The following RARB variants were observed in gnomAD, a reference collection of about 807,000 sequenced individuals.
The protein encoded by RARB is retinoic acid receptor beta.
Under a neutral mutation model 51.9 loss-of-function variants are expected in RARB, and 17 were observed. The ratio of observed to expected loss-of-function variants is 0.33; its 90% CI spans 0.22 to 0.49. The LOEUF is 0.49. RARB is among the 20% of genes least tolerant of loss of function. The pLI is 0.99. For synonymous variants in RARB, 215 were observed against 195.4 expected, an observed-to-expected ratio of 1.10 and a Z score of -0.84; for missense variants, 369 against 550.8, an observed-to-expected ratio of 0.67 and a Z score of 3.30.
At chr3:25,416,187 G>C (rs1449498414) in intron 5 of RARB, among the ~76,000 whole-genome samples, 1 of 152,180 alleles carries the variant, frequency 6.6e-6, no homozygotes, top group African/African-American at 2.4e-5. Context: ...TTCAAGACCA[G>C]CCTGGGCAAT....
intron 2 of RARB, among the ~76,000 whole-genome samples, chr3:24,987,678 G>C (rs1401852421): frequency 6.6e-6 from 1 of 152,138 alleles, no homozygotes; most frequent in African/African-American, 2.4e-5. Context: ...TCTAAATCCT[G>C]GTGGAAAAAG....
chr3:25,216,064 G>C (rs1468597762), intron 5 of RARB, among the ~76,000 whole-genome samples: 1 of 152,174 alleles, frequency 6.6e-6, no homozygotes, highest in Non-Finnish European at 1.5e-5. Context: ...AGCAGTCAGA[G>C]AGGTGCAGGT....
At chr3:25,240,471 A>G (rs1182746282) in intron 5 of RARB, among the ~76,000 whole-genome samples, 2 of 152,136 alleles carry the variant, frequency 1.3e-5, no homozygotes, top group Non-Finnish European at 1.5e-5. Flanking sequence ...TGTTTGTTAT[A>G]TATGGCCTTT....
chr3:25,127,472 T>C (rs1432317867), intron 3 of RARB, among the ~76,000 whole-genome samples: 1 of 152,186 alleles, frequency 6.6e-6, no homozygotes, highest in Non-Finnish European at 1.5e-5. Context: ...TGTCCCAATT[T>C]TTCCGTATTT....
chr3:24,975,727 T>G (rs6779328), intron 2 of RARB, among the ~76,000 whole-genome samples: 4 of 151,818 alleles, frequency 2.6e-5, no homozygotes, highest in African/African-American at 9.7e-5. Context: ...ATTTTTGTCA[T>G]GCTGCTGCTA....
intron 3 of RARB, among the ~76,000 whole-genome samples, chr3:25,111,820 G>C (rs146274508): frequency 3.5e-4 from 53 of 151,932 alleles, no homozygotes; most frequent in African/African-American, 1.1e-3. Flanking sequence ...CTTGTGATCC[G>C]CCTGCCTCAG....
intron 2 of RARB, among the ~76,000 whole-genome samples, chr3:24,956,474 A>G (rs1005972343): frequency 3.3e-5 from 5 of 152,098 alleles, no homozygotes; most frequent in African/African-American, 1.2e-4. Context: ...GCTGGGGCTG[A>G]TTTTTTATAC....
chr3:25,115,051 A>C (rs1229602907), intron 3 of RARB, among the ~76,000 whole-genome samples: 1 of 152,122 alleles, frequency 6.6e-6, no homozygotes, highest in Admixed American at 6.6e-5. Flanking sequence ...ATAGAGAAAA[A>C]TTTGTAATTC....
chr3:25,106,206 T>A (rs1319400914), intron 3 of RARB, among the ~76,000 whole-genome samples: 1 of 134,132 alleles, frequency 7.5e-6, no homozygotes, highest in East Asian at 2.4e-4. Flanking sequence ...TCATCTGAGT[T>A]TGCGACAGAA....
At chr3:25,480,289 T>G (rs1696162512) in intron 2 of RARB, among the ~76,000 whole-genome samples, 1 of 152,238 alleles carries the variant, frequency 6.6e-6, no homozygotes, top group Admixed American at 6.5e-5. Context: ...AGCACGTATC[T>G]AGAATTTGCT....
At chr3:24,872,300 T>C (rs957669667) in intron 2 of RARB, among the ~76,000 whole-genome samples, 14 of 152,302 alleles carry the variant, frequency 9.2e-5, no homozygotes, top group African/African-American at 3.4e-4. Flanking sequence ...TTGCTGCCTT[T>C]GTTTCAGCTC....
At chr3:25,053,343 C>G (rs1287049618) in intron 2 of RARB, among the ~76,000 whole-genome samples, 1 of 152,178 alleles carries the variant, frequency 6.6e-6, no homozygotes, top group Non-Finnish European at 1.5e-5. Context: ...TTTTCTCTCA[C>G]AAGACTGCAA....
chr3:24,871,640 C>T (rs1702950300), intron 2 of RARB, among the ~76,000 whole-genome samples: 1 of 152,118 alleles, frequency 6.6e-6, no homozygotes, highest in Non-Finnish European at 1.5e-5. Flanking sequence ...GCCCAAACAC[C>T]AGATTGGATA....
rs10715822 is a variant in RARB, at chr3:24,985,349, G to GTT, written c.-379-74762_-379-74761dup. On this transcript the variant is annotated intron_variant, in intron 2 of 11. Transcript: ENST00000383772. ...ATGGCATTTGCCTCATGGTTTTTTT[G>GTT]TTTTTTTTTTTTTTTGACAAGAACA... Among the ~76,000 whole-genome samples, 726 of 131,256 alleles carry GTT rather than the reference G, an allele frequency of 5.5e-3. 5 individuals carry two copies. Among genetic ancestry groups the GTT allele is most frequent in the African/African-American group, 0.018 (656 of 36,160 alleles). The allele number at this position is 131,256 out of a possible 152,430, so 86.1% of individuals were successfully genotyped here. A position where few individuals can be genotyped will look rare whatever the true frequency, so the allele number is the denominator to read the frequency against.
chr3:24,897,594 T>C (rs1191197801), intron 2 of RARB, among the ~76,000 whole-genome samples: 1 of 152,210 alleles, frequency 6.6e-6, no homozygotes, highest in Non-Finnish European at 1.5e-5. Flanking sequence ...AAATATGATT[T>C]GTTACAAGAT....
chr3:24,975,748 T>A (rs944586306), intron 2 of RARB, among the ~76,000 whole-genome samples: 3 of 149,706 alleles, frequency 2.0e-5, no homozygotes, highest in Non-Finnish European at 4.5e-5. Context: ...AATTTTCTTC[T>A]TTTTTGGGGA....
chr3:25,055,665 T>C (rs1289618172), intron 2 of RARB, among the ~76,000 whole-genome samples: 1 of 152,030 alleles, frequency 6.6e-6, no homozygotes, highest in African/African-American at 2.4e-5. Flanking sequence ...GGAGTGGGAC[T>C]AGAAAGAGGA....
chr3:25,434,046 G>C (rs1181229553), intron 1 of RARB, among the ~76,000 whole-genome samples: 1 of 152,174 alleles, frequency 6.6e-6, no homozygotes, highest in African/African-American at 2.4e-5. Flanking sequence ...AGTAAGATAA[G>C]ACTCTCTGCC....
intron 2 of RARB, among the ~76,000 whole-genome samples, chr3:25,003,261 G>A (rs531821866): frequency 1.1e-4 from 17 of 152,022 alleles, no homozygotes; most frequent in Admixed American, 7.9e-4. Context: ...TTTCATTTAG[G>A]AAGGAAAAGC....
Sources: gnomAD v4.1 joint callset for allele counts (sites outside exome capture counted in the v4.1 genomes callset) on GRCh38, gnomAD v4.1.1 for gene constraint, MANE v1.5 for transcripts, NCBI Gene and HGNC (gene_info 2026-07-23, HGNC 2026-07-21) for gene names.